Variants in GAB2 observed in about 807,000 individuals in gnomAD.
GAB2 encodes the protein GRB2 associated binding protein 2, also known as GRB2-associated-binding protein 2.
In GAB2, 26 loss-of-function variants were observed where a neutral mutation model predicts 65.5. The observed-to-expected ratio is 0.40, with a 90% CI of 0.29 to 0.55. The LOEUF (loss-of-function observed/expected upper bound fraction) is 0.55, where lower values mean the gene tolerates loss of function less well. Ranked by LOEUF, GAB2 falls within the 20% of genes least tolerant of loss-of-function variation. GAB2 has a pLI of 0.53. For missense variants in GAB2, 884 were observed against 875.8 expected (o/e 1.01, Z -0.12); for synonymous variants, 321 against 329.6 (o/e 0.97, Z 0.28).
chr11:78,280,605 G>A lies in GAB2; in HGVS notation c.372C>T (p.Ser124=). ...GATCTGTGTGCGTTCTCATACCTGT[G>A]CTCTCCTCAGCCTGATTGAAGCCAC... The part of the protein sequence containing the change: ...QICGFNQAEE[S]TDSLRNVSSA... Residue 124 remains serine (S), a synonymous_variant, in exon 2 of 10, where the codon AGC becomes AGT. Transcript: ENST00000361507. The A allele has an allele frequency of 6.2e-7, 1 of 1,612,462 alleles. No individual in the cohort carries two copies. Among genetic ancestry groups the A allele is most frequent in the Non-Finnish European group, 8.5e-7 (1 of 1,178,772 alleles).
intron 3 of GAB2, among the ~76,000 whole-genome samples, chr11:78,247,636 C>A (rs572938013): frequency 2.0e-5 from 3 of 152,164 alleles, no homozygotes; most frequent in Non-Finnish European, 4.4e-5. Context: ...AATTTCACTT[C>A]TTTCAAGAGT....
chr11:78,417,459 G>A (rs1212484594), intron 1 of GAB2, among the ~76,000 whole-genome samples, 187 bp downstream of exon 1: 3 of 150,758 alleles, frequency 2.0e-5, no homozygotes, highest in African/African-American at 7.3e-5. Flanking sequence ...CGCCCGCCCC[G>A]CCCCTCGGCG....
chr11:78,268,815 T>A (rs1421936071), intron 2 of GAB2, among the ~76,000 whole-genome samples: 1 of 151,910 alleles, frequency 6.6e-6, no homozygotes, highest in Admixed American at 6.6e-5. Flanking sequence ...CCCTGTCTCC[T>A]TTTCCTCCTT....
At chr11:78,229,819 C>T (rs1565116681) in intron 3 of GAB2, among the ~76,000 whole-genome samples, 1 of 152,186 alleles carries the variant, frequency 6.6e-6, no homozygotes, top group African/African-American at 2.4e-5. Context: ...GGCTTTGCTG[C>T]ATTGTTGGGC....
chr11:78,238,469 T>C (rs1396488582), intron 3 of GAB2, among the ~76,000 whole-genome samples: 9 of 149,018 alleles, frequency 6.0e-5, no homozygotes, highest in African/African-American at 2.0e-4. Flanking sequence ...GGTGCCAGAC[T>C]GAGACCCTGT....
intron 3 of GAB2, among the ~76,000 whole-genome samples, chr11:78,235,363 A>G (rs549694672): frequency 6.6e-6 from 1 of 152,174 alleles, no homozygotes; most frequent in South Asian, 2.1e-4. Flanking sequence ...CGTGTTAGCC[A>G]GGATGGTCTC....
intron 1 of GAB2, among the ~76,000 whole-genome samples, chr11:78,405,817 T>G (rs1857036539): frequency 6.6e-6 from 1 of 152,198 alleles, no homozygotes; most frequent in South Asian, 2.1e-4. Context: ...GCAGTCAGCA[T>G]GGCAGAAACA....
At chr11:78,219,482 G>A in intron 9 of GAB2, 67 bp from the exon 10 acceptor site, 1 of 1,466,266 alleles carries the variant, frequency 6.8e-7, no homozygotes, top group Non-Finnish European at 9.5e-7. Context: ...GGAAGAAGGT[G>A]GGCACGGGAT....
At chr11:78,225,668 A>G (rs1864618746) in intron 4 of GAB2, among the ~76,000 whole-genome samples, 1 of 152,236 alleles carries the variant, frequency 6.6e-6, no homozygotes, top group African/African-American at 2.4e-5. Flanking sequence ...GATGGATTGA[A>G]AGACGGCAAA....
At chr11:78,355,640 G>A (rs1307586173) in intron 1 of GAB2, among the ~76,000 whole-genome samples, 1 of 126,482 alleles carries the variant, frequency 7.9e-6, no homozygotes, top group Admixed American at 1.0e-4. Flanking sequence ...TTGCGCCACC[G>A]CTCTTCAGCC....
chr11:78,417,269 C>A (rs2135107541), intron 1 of GAB2, among the ~76,000 whole-genome samples: 1 of 152,150 alleles, frequency 6.6e-6, no homozygotes, highest in Non-Finnish European at 1.5e-5. Context: ...TCTCCCCGAC[C>A]CTGCGGGCTG....
At chr11:78,241,622 AC>A (rs1255445927) in intron 3 of GAB2, among the ~76,000 whole-genome samples, 1 of 151,516 alleles carries the variant, frequency 6.6e-6, no homozygotes, top group African/African-American at 2.4e-5. Flanking sequence ...AAAAAAAAAA[AC>A]CCAGAAATCT....
At chr11:78,408,456 AACTC>A (rs1332813108) in intron 1 of GAB2, among the ~76,000 whole-genome samples, 2 of 152,254 alleles carry the variant, frequency 1.3e-5, no homozygotes, top group African/African-American at 4.8e-5. Flanking sequence ...ATATTCAAGA[AACTC>A]ACAGGAAGGC....
intron 1 of GAB2, among the ~76,000 whole-genome samples, chr11:78,332,852 C>A (rs1052742773): frequency 6.6e-6 from 1 of 152,106 alleles, no homozygotes; most frequent in Non-Finnish European, 1.5e-5. Context: ...TTCCCTCATG[C>A]CCTAGAGTCT....
intron 2 of GAB2, among the ~76,000 whole-genome samples, chr11:78,253,823 C>G (rs1461914641): frequency 6.6e-6 from 1 of 152,140 alleles, no homozygotes; most frequent in Non-Finnish European, 1.5e-5. Flanking sequence ...AAGTACACAC[C>G]ATAAGAAATC....
At chr11:78,316,732 C>A (rs1417359234) in intron 1 of GAB2, among the ~76,000 whole-genome samples, 1 of 152,158 alleles carries the variant, frequency 6.6e-6, no homozygotes, top group East Asian at 1.9e-4. Context: ...AAGGCAATTC[C>A]TCAAAAAATT....
chr11:78,326,670 A>G (rs1356273947), intron 1 of GAB2, among the ~76,000 whole-genome samples: 3 of 152,236 alleles, frequency 2.0e-5, no homozygotes, highest in Non-Finnish European at 2.9e-5. Flanking sequence ...CATGAGGTCA[A>G]GGATAACAGT....
intron 1 of GAB2, among the ~76,000 whole-genome samples, chr11:78,307,207 T>C (rs994490489): frequency 6.6e-6 from 1 of 152,126 alleles, no homozygotes; most frequent in Non-Finnish European, 1.5e-5. Context: ...TTATGAACAC[T>C]ACAACCTCTA....
chr11:78,233,017 T>G (rs1240225892), intron 3 of GAB2, among the ~76,000 whole-genome samples: 1 of 151,548 alleles, frequency 6.6e-6, no homozygotes, highest in Non-Finnish European at 1.5e-5. Flanking sequence ...ATTCATATAC[T>G]TACCAATACC....
Sources: gnomAD v4.1 joint callset for allele counts (sites outside exome capture counted in the v4.1 genomes callset) on GRCh38, gnomAD v4.1.1 for gene constraint, MANE v1.5 for transcripts, NCBI Gene and HGNC (gene_info 2026-07-23, HGNC 2026-07-21) for gene names.